The following SF3B1 variants were observed in gnomAD, a reference collection of about 807,000 sequenced individuals.
SF3B1 encodes splicing factor 3b subunit 1.
In SF3B1, 12 loss-of-function variants were observed where a neutral mutation model predicts 153.8. The ratio of observed to expected loss-of-function variants is 0.08; its 90% confidence interval spans 0.05 to 0.13. SF3B1 has a LOEUF of 0.13. Among genes scored for constraint, SF3B1 ranks in the 10% least tolerant of loss-of-function variants. The pLI is 1.00. For missense variants in SF3B1, 513 were observed against 1,606.1 expected (o/e 0.32, Z 11.63); for synonymous variants, 498 against 525.2 (o/e 0.95, Z 0.71).
At chr2:197,408,311 G>GA in intron 8 of SF3B1, 58 bp downstream of exon 8, 1 of 1,529,694 alleles carries the variant, frequency 6.5e-7, no homozygotes. Flanking sequence ...TACCACAAAG[G>GA]AAAAAATTAA....
In SF3B1 at chr2:197,410,025, AT is replaced by A; in HGVS notation, c.667-19del. On this transcript the variant is annotated intron_variant, in intron 6 of 24. Transcript: ENST00000335508. ...CCAGGGGTCTTAAAAAAGCAAAAAA[AT>A]TTTATTTCACACACCCACACAGAAA... 1 of 1,524,830 alleles carries A rather than the reference AT, an allele frequency of 6.6e-7. No homozygotes were observed. The highest frequency in any genetic ancestry group is 9.0e-7 in the Non-Finnish European group (1 of 1,112,514). 94.5% of individuals were successfully genotyped at this position (1,524,830 alleles called of 1,614,324 possible). A position where few individuals can be genotyped will look rare whatever the true frequency, so the allele number is the denominator to read the frequency against.
At chr2:197,392,555 T>C in intron 24 of SF3B1, 94 bp from the exon 25 acceptor site, 1 of 246,866 alleles carries the variant, frequency 4.1e-6, no homozygotes, top group Non-Finnish European at 7.2e-6. Context: ...TTCAAAATTA[T>C]TTCCCTTGGG....
chr2:197,426,408 G>T (rs1439042336), intron 1 of SF3B1, among the ~76,000 whole-genome samples: 1 of 151,928 alleles, frequency 6.6e-6, no homozygotes, highest in African/African-American at 2.4e-5. Context: ...CCATTCTCCT[G>T]CCTCAGCCTC....
chr2:197,424,102 T>C (rs3849361), intron 1 of SF3B1, 128 bp from the exon 2 acceptor site: 22,038 of 785,916 alleles, frequency 0.028, 447 homozygotes, highest in African/African-American at 0.064. Context: ...AATTGCACCA[T>C]ATAAGAGACT....
intron 5 of SF3B1, among the ~76,000 whole-genome samples, chr2:197,417,521 T>A (rs1420872845): frequency 6.9e-6 from 1 of 145,880 alleles, no homozygotes; most frequent in Non-Finnish European, 1.5e-5. Flanking sequence ...GCAGATCACC[T>A]GAGGTCAGGA....
chr2:197,392,938 A>AG (rs772761277), intron 24 of SF3B1, 34 bp downstream of exon 24: 2 of 1,319,578 alleles, frequency 1.5e-6, no homozygotes, highest in Non-Finnish European at 2.1e-6. Context: ...TAAAAAAAAA[A>AG]AATCACCGAT....
chr2:197,395,537 G>A lies in SF3B1; in HGVS notation c.3539+519C>T, dbSNP rs1208178745. ...TTAAGGCTGTACGTCAGTCTAGATG[G>A]TAAAAGGTATTAGCAATCTGTCAAA... On this transcript the variant is annotated intron_variant, in intron 23 of 24. Coordinates refer to ENST00000335508, the MANE Select transcript of SF3B1 (RefSeq NM_012433.4). 4.6e-5 allele frequency among the ~76,000 whole-genome samples: 7 copies of A among 152,288 alleles called. No homozygotes were observed. The South Asian group carries it at 6.2e-4, about 14-fold the overall frequency.
chr2:197,414,321 A>G (rs986078164), intron 6 of SF3B1, among the ~76,000 whole-genome samples: 1 of 152,246 alleles, frequency 6.6e-6, no homozygotes, highest in African/African-American at 2.4e-5. Flanking sequence ...GCTATCTTAT[A>G]CAAACGGTAC....
In SF3B1 at chr2:197,389,856, A is replaced by C. The variant is rs1198226273; in HGVS notation, c.*2447T>G. 1 of 152,210 alleles carries C rather than the reference A, an allele frequency of 6.6e-6. No individual in the cohort carries two copies. Among genetic ancestry groups the C allele is most frequent in the Non-Finnish European group, 1.5e-5 (1 of 68,038 alleles). The allele number at this position is 152,210 out of a possible 1,614,324, so 9.4% of individuals were successfully genotyped here. Reference sequence around the variant, plus strand: ...GGGCACTGTACAACAAATTTTAAAAATACAATATGAAAAAAATCAAACAGC... The same window carrying C: ...GGGCACTGTACAACAAATTTTAAAACTACAATATGAAAAAAATCAAACAGC... On this transcript the variant is annotated 3_prime_UTR_variant, in exon 25 of 25. Transcript: ENST00000335508.
At chr2:197,423,646 T>C (rs1359252058) in intron 2 of SF3B1, among the ~76,000 whole-genome samples, 162 bp downstream of exon 2, 1 of 152,206 alleles carries the variant, frequency 6.6e-6, no homozygotes, top group East Asian at 1.9e-4. Flanking sequence ...GCATTTCCAG[T>C]GAAGTTTCTG....
In SF3B1 at chr2:197,402,473, G is replaced by T. The variant is rs2105986174; in HGVS notation, c.2077+83C>A. 8.0e-7 allele frequency: 1 copy of T among 1,249,264 alleles called. No homozygotes were observed. The allele number at this position is 1,249,264 out of a possible 1,614,324, so 77.4% of individuals were successfully genotyped here. On this transcript the variant is annotated intron_variant, in intron 14 of 24. Transcript: ENST00000335508. The surrounding 1 kb of genome is among the most constrained non-coding windows in gnomAD (Gnocchi z 4.6). ...AGCAGGAGGATCACTTGAGCCCAAA[G>T]GTTTGAGTCCAGTCTGGGCAACATA...
At chr2:197,405,528 G>A in intron 9 of SF3B1, 56 bp from the exon 10 acceptor site, 1 of 1,218,238 alleles carries the variant, frequency 8.2e-7, no homozygotes, top group Non-Finnish European at 1.2e-6. Context: ...ACAGCATAAT[G>A]AACAATATTT....
At chr2:197,433,396 T>C (rs1175308969) in intron 1 of SF3B1, among the ~76,000 whole-genome samples, 1 of 152,232 alleles carries the variant, frequency 6.6e-6, no homozygotes, top group Admixed American at 6.5e-5. Flanking sequence ...GAGGGCATCT[T>C]ATACTGAAGT....
At chr2:197,433,668 C>T (rs1472393309) in intron 1 of SF3B1, among the ~76,000 whole-genome samples, 3 of 152,226 alleles carry the variant, frequency 2.0e-5, no homozygotes, top group African/African-American at 7.2e-5. Context: ...ACTTCAGGTC[C>T]TCTGGGTGAC....
At chr2:197,418,263 A>AAAAAAAAAAAAAAAAC (rs2085186031) in intron 5 of SF3B1, among the ~76,000 whole-genome samples, 1 of 143,198 alleles carries the variant, frequency 7.0e-6, no homozygotes. Context: ...AAAAAAAAAA[A>AAAAAAAAAAAAAAAAC]ATCCCTTGTG....
At chr2:197,404,888 T>G (rs947037803) in intron 11 of SF3B1, 188 bp downstream of exon 11, 1 of 478,448 alleles carries the variant, frequency 2.1e-6, no homozygotes. Context: ...TTTTTAAAAA[T>G]ATAAACATGG....
At chr2:197,413,775 C>T (rs1162668387) in intron 6 of SF3B1, among the ~76,000 whole-genome samples, 5 of 151,298 alleles carry the variant, frequency 3.3e-5, no homozygotes, top group Non-Finnish European at 7.4e-5. Context: ...GGATGACTCC[C>T]TAAATGTTTT....
chr2:197,398,723 C>CTGGT, intron 20 of SF3B1, 142 bp from the exon 21 acceptor site: 2 of 744,864 alleles, frequency 2.7e-6, no homozygotes, highest in Non-Finnish European at 4.3e-6. Context: ...CAGATTCTGA[C>CTGGT]CAGACTCAGA....
chr2:197,417,072 C>T (rs1574544053), intron 5 of SF3B1, among the ~76,000 whole-genome samples, 161 bp from the exon 6 acceptor site: 1 of 152,146 alleles, frequency 6.6e-6, no homozygotes, highest in Non-Finnish European at 1.5e-5. Context: ...ATAGTCTGTG[C>T]GTCTTTATTT....
Sources: allele counts gnomAD v4.1 joint callset (sites outside exome capture counted in the v4.1 genomes callset), GRCh38; gene constraint gnomAD v4.1.1; non-coding constraint Gnocchi (gnomAD v3.1); transcripts MANE v1.5; gene names NCBI Gene and HGNC (gene_info 2026-07-23, HGNC 2026-07-21).